GABRB2: variants seen among roughly 807,000 people sequenced by gnomAD.
GABRB2 encodes the protein gamma-aminobutyric acid receptor subunit beta-2.
In GABRB2, 16 loss-of-function variants were observed where a neutral mutation model predicts 54.7. The ratio of observed to expected loss-of-function variants is 0.29; its 90% CI spans 0.20 to 0.44. The LOEUF (loss-of-function observed/expected upper bound fraction) is 0.44. Among genes scored for constraint, GABRB2 ranks in the 20% least tolerant of loss-of-function variants. The probability of loss-of-function intolerance (pLI) is 1.00; values close to 1 mark genes in which losing one functional copy is unlikely to be tolerated. For synonymous variants in GABRB2, 244 were observed against 233.8 expected, an observed-to-expected ratio of 1.04 and a Z score of -0.40; for missense variants, 355 against 644.0, an observed-to-expected ratio of 0.55 and a Z score of 4.86.
intron 5 of GABRB2, among the ~76,000 whole-genome samples, chr5:161,360,816 T>C (rs1754786723): frequency 6.6e-6 from 1 of 151,784 alleles, no homozygotes; most frequent in Admixed American, 6.6e-5. Context: ...GTAACCTGAA[T>C]ATAAGTTTTA....
At chr5:161,502,900 G>A (rs1358398810) in intron 3 of GABRB2, among the ~76,000 whole-genome samples, 8 of 152,190 alleles carry the variant, frequency 5.3e-5, no homozygotes, top group Non-Finnish European at 1.2e-4. Context: ...CTAAGCTGTG[G>A]TTGAACAGGT....
At chr5:161,312,392 G>A (rs555124633) in intron 9 of GABRB2, among the ~76,000 whole-genome samples, 2 of 152,206 alleles carry the variant, frequency 1.3e-5, no homozygotes, top group African/African-American at 4.8e-5. Flanking sequence ...TAAAACATAA[G>A]CTGCAAGTTG....
chr5:161,327,041 G>GACAC (rs150178203), intron 8 of GABRB2: 8,862 of 495,558 alleles, frequency 0.018, 349 homozygotes, highest in African/African-American at 0.11. Context: ...ATTCCATTAG[G>GACAC]ACACACACAC....
In GABRB2 at chr5:161,289,310, A is replaced by G. The variant is rs1171715258; in HGVS notation, c.*4771T>C. On this transcript the variant is annotated 3_prime_UTR_variant, in exon 10 of 10. Transcript: ENST00000393959. ...TTCTGTTCACTCCTTTCTGGTTTTT[A>G]CAATGTTCCTAGTGCATTTGGAAAA... 1.0e-5 allele frequency: 1 copy of G among 99,466 alleles called. No individual in the cohort carries two copies. The highest frequency in any genetic ancestry group is 2.0e-5 in the Non-Finnish European group (1 of 51,112). The allele number at this position is 99,466 out of a possible 1,614,324, so 6.2% of individuals were successfully genotyped here. A position where few individuals can be genotyped will look rare whatever the true frequency, so the allele number is the denominator to read the frequency against.
intron 5 of GABRB2, among the ~76,000 whole-genome samples, chr5:161,383,506 G>A (rs189506684): frequency 4.4e-4 from 67 of 151,876 alleles, no homozygotes; most frequent in Non-Finnish European, 6.5e-4. Flanking sequence ...ATCTGTTTCT[G>A]TGCTGTTAGT....
intron 5 of GABRB2, among the ~76,000 whole-genome samples, chr5:161,383,112 CATA>C (rs1373010795): frequency 1.3e-5 from 2 of 152,298 alleles, no homozygotes; most frequent in Admixed American, 1.3e-4. Flanking sequence ...AGCTGTACAA[CATA>C]ATGAGTTGAT....
chr5:161,508,914 C>T (rs1242362001), intron 3 of GABRB2, among the ~76,000 whole-genome samples: 1 of 151,970 alleles, frequency 6.6e-6, no homozygotes, highest in Non-Finnish European at 1.5e-5. Context: ...ATATAATCCT[C>T]TATTGTATAA....
At chr5:161,362,542 A>T (rs1754845198) in intron 5 of GABRB2, among the ~76,000 whole-genome samples, 1 of 152,306 alleles carries the variant, frequency 6.6e-6, no homozygotes, top group African/African-American at 2.4e-5. Flanking sequence ...ATCTAATTAA[A>T]CTAAAGAGCT....
At chr5:161,404,847 G>A (rs1188483161) in intron 5 of GABRB2, among the ~76,000 whole-genome samples, 1 of 151,964 alleles carries the variant, frequency 6.6e-6, no homozygotes, top group African/African-American at 2.4e-5. Context: ...TTTAACTCAA[G>A]TCCTACATAT....
chr5:161,331,481 G>C (rs1753838260), intron 7 of GABRB2, among the ~76,000 whole-genome samples: 1 of 152,126 alleles, frequency 6.6e-6, no homozygotes, highest in South Asian at 2.1e-4. Context: ...CAGGGATGAG[G>C]TTAGGAAATA....
chr5:161,462,555 T>A (rs904928803), intron 3 of GABRB2, among the ~76,000 whole-genome samples: 2 of 152,160 alleles, frequency 1.3e-5, no homozygotes, highest in Admixed American at 1.3e-4. Context: ...TTAGGAGAAA[T>A]AATACCGTTT....
At chr5:161,326,260 A>C (rs986733066) in intron 9 of GABRB2, 108 bp downstream of exon 9, 7 of 1,468,958 alleles carry the variant, frequency 4.8e-6, no homozygotes, top group Non-Finnish European at 6.4e-6. Context: ...CTGTGGATAC[A>C]TGTTCATAGG....
At position 161,407,015 on chromosome 5, in the gene GABRB2, G is replaced by T. The variant is rs73797601; in HGVS notation, c.541+3960C>A. On this transcript the variant is annotated intron_variant, in intron 5 of 9. Coordinates refer to ENST00000393959, the MANE Select transcript of GABRB2 (RefSeq NM_001371727.1). ...CTCTGGCCAGTCCAACTTACTCAGA[G>T]ATAAGATGAGACCAAAACACGTAAT... Among the ~76,000 whole-genome samples the T allele has an allele frequency of 4.4e-3, 664 of 152,196 alleles. 8 individuals carry two copies. The highest frequency in any genetic ancestry group is 0.014 in the African/African-American group (590 of 41,536).
chr5:161,520,249 A>G (rs1015260201), intron 3 of GABRB2, among the ~76,000 whole-genome samples: 54 of 152,264 alleles, frequency 3.5e-4, no homozygotes, highest in African/African-American at 1.1e-3. Flanking sequence ...AGCTTATAAC[A>G]ACAGCTGGAT....
At chr5:161,344,964 T>C (rs940360752) in intron 5 of GABRB2, among the ~76,000 whole-genome samples, 2 of 152,046 alleles carry the variant, frequency 1.3e-5, no homozygotes, top group Non-Finnish European at 2.9e-5. Context: ...AAACACCACA[T>C]GTTCTCACTC....
intron 3 of GABRB2, among the ~76,000 whole-genome samples, chr5:161,504,397 CAA>C (rs1759539733): frequency 6.6e-6 from 1 of 151,920 alleles, no homozygotes; most frequent in South Asian, 2.1e-4. Flanking sequence ...ATATCAATGA[CAA>C]AAAAATACCT....
chr5:161,443,453 C>T, intron 4 of GABRB2, among the ~76,000 whole-genome samples: 1 of 152,178 alleles, frequency 6.6e-6, no homozygotes, highest in East Asian at 1.9e-4. Context: ...TAGCCTCTTC[C>T]TTGTCTAAGA....
At chr5:161,368,149 A>ACACACACACT (rs749548536) in intron 5 of GABRB2, among the ~76,000 whole-genome samples, 5 of 148,964 alleles carry the variant, frequency 3.4e-5, no homozygotes, top group Admixed American at 6.7e-5. Context: ...ACACACACAC[A>ACACACACACT]CTCTTCCACC....
chr5:161,533,244 A>G (rs966767148), intron 3 of GABRB2, among the ~76,000 whole-genome samples: 2 of 152,190 alleles, frequency 1.3e-5, no homozygotes, highest in African/African-American at 4.8e-5. Context: ...AATCATGACA[A>G]GATATTATAA....
Sources: allele counts gnomAD v4.1 joint callset (sites outside exome capture counted in the v4.1 genomes callset), GRCh38; gene constraint gnomAD v4.1.1; transcripts MANE v1.5; gene names NCBI Gene and HGNC (gene_info 2026-07-23, HGNC 2026-07-21).